The following PHF21A variants were observed in gnomAD, a reference collection of about 807,000 sequenced individuals.
PHF21A encodes the protein BHC80a.
A neutral mutation model predicts 82.5 loss-of-function variants in PHF21A; 11 were observed. That is an observed-to-expected ratio of 0.13 (90% CI 0.08 to 0.22). PHF21A has a LOEUF of 0.22. PHF21A is among the 10% of genes least tolerant of loss of function. The pLI is 1.00. For missense variants in PHF21A, 579 were observed against 837.8 expected, an observed-to-expected ratio of 0.69 and a Z score of 3.81; for synonymous variants, 297 against 302.8, an observed-to-expected ratio of 0.98 and a Z score of 0.20.
chr11:46,102,800 A>G (rs1221363345), intron 1 of PHF21A, among the ~76,000 whole-genome samples: 1 of 152,254 alleles, frequency 6.6e-6, no homozygotes, highest in African/African-American at 2.4e-5. Context: ...GAGGGCCCAA[A>G]GTAGGGGGTA....
At chr11:45,991,808 T>G (rs959631432) in intron 6 of PHF21A, among the ~76,000 whole-genome samples, 2 of 152,244 alleles carry the variant, frequency 1.3e-5, no homozygotes, top group African/African-American at 4.8e-5. Context: ...ACATTCCTGA[T>G]GTATATCTTT....
intron 6 of PHF21A, among the ~76,000 whole-genome samples, chr11:46,074,122 A>C (rs537841338): frequency 3.5e-5 from 5 of 143,922 alleles, no homozygotes; most frequent in African/African-American, 1.3e-4. Flanking sequence ...TGTCAGATGC[A>C]AAAAAAAAAA....
intron 6 of PHF21A, among the ~76,000 whole-genome samples, chr11:46,020,269 T>C (rs1300670904): frequency 6.6e-6 from 1 of 152,198 alleles, no homozygotes; most frequent in Admixed American, 6.5e-5. Context: ...TTCACACATC[T>C]GCAGAGTAAG....
chr11:45,975,382 C>T (rs368244343), intron 7 of PHF21A, among the ~76,000 whole-genome samples: 8 of 132,152 alleles, frequency 6.1e-5, no homozygotes, highest in African/African-American at 2.3e-4. Flanking sequence ...TAAAATAAAA[C>T]AAAACAAAAT....
intron 6 of PHF21A, among the ~76,000 whole-genome samples, chr11:46,030,979 G>C (rs1383360791): frequency 6.6e-6 from 1 of 151,976 alleles, no homozygotes. Context: ...ATAAATAAAT[G>C]TCCTAAAATG....
intron 5 of PHF21A, among the ~76,000 whole-genome samples, chr11:46,077,677 T>C (rs1366894258): frequency 1.3e-5 from 2 of 152,206 alleles, no homozygotes; most frequent in Non-Finnish European, 2.9e-5. Context: ...TTAGTGTATT[T>C]GACATAAGGC....
intron 1 of PHF21A, among the ~76,000 whole-genome samples, chr11:46,099,697 T>C (rs1345111247): frequency 6.6e-6 from 1 of 152,222 alleles, no homozygotes; most frequent in African/African-American, 2.4e-5. Context: ...AGCCAAGCTT[T>C]ATTCCAAATC....
intron 6 of PHF21A, among the ~76,000 whole-genome samples, chr11:46,060,591 CAT>C (rs1181492443): frequency 6.6e-6 from 1 of 152,146 alleles, no homozygotes; most frequent in Non-Finnish European, 1.5e-5. Context: ...AGCTTTTTTG[CAT>C]ATGATTGTTG....
intron 6 of PHF21A, among the ~76,000 whole-genome samples, chr11:46,035,503 G>A (rs1366901992): frequency 6.6e-6 from 1 of 152,136 alleles, no homozygotes; most frequent in Non-Finnish European, 1.5e-5. Flanking sequence ...TGAATAGGCA[G>A]GTGGAGTCCT....
intron 8 of PHF21A, 127 bp from the exon 9 acceptor site, chr11:45,970,031 C>T: frequency 1.4e-6 from 1 of 735,550 alleles, no homozygotes; most frequent in Non-Finnish European, 2.4e-6. Flanking sequence ...GTAAGTTAAT[C>T]ATCTGAATTA....
chr11:46,049,936 A>G (rs1468857206), intron 6 of PHF21A, among the ~76,000 whole-genome samples: 1 of 152,260 alleles, frequency 6.6e-6, no homozygotes, highest in African/African-American at 2.4e-5. Context: ...TTAATTTTGT[A>G]TATTTGTCAG....
intron 6 of PHF21A, among the ~76,000 whole-genome samples, chr11:45,998,624 T>C (rs933422928): frequency 6.6e-6 from 1 of 151,948 alleles, no homozygotes; most frequent in Non-Finnish European, 1.5e-5. Context: ...GTGATTCTCC[T>C]GCCTCAGCCT....
chr11:45,950,344 G>T, intron 11 of PHF21A, 87 bp from the exon 12 acceptor site: 1 of 1,148,150 alleles, frequency 8.7e-7, no homozygotes, highest in Non-Finnish European at 1.3e-6. Context: ...ATTAGGGAAA[G>T]CCAGCCCAAT....
At chr11:46,107,551 G>A (rs2130476) in intron 1 of PHF21A, among the ~76,000 whole-genome samples, 23,057 of 152,118 alleles carry the variant, frequency 0.15, 3,723 homozygotes, top group East Asian at 0.58. Context: ...AGAATTTTAC[G>A]GCAAGGCTTT....
intron 6 of PHF21A, among the ~76,000 whole-genome samples, chr11:46,072,426 T>C (rs555419669): frequency 2.3e-4 from 35 of 152,180 alleles, no homozygotes; most frequent in Non-Finnish European, 4.3e-4. Flanking sequence ...TGGACTATGA[T>C]GTGAAAGCTG....
intron 6 of PHF21A, among the ~76,000 whole-genome samples, chr11:46,046,908 AGT>A (rs928002179): frequency 2.0e-5 from 3 of 152,200 alleles, no homozygotes; most frequent in African/African-American, 7.2e-5. Context: ...TTGAGTCAAA[AGT>A]GTATATTCAG....
At chr11:45,987,475 T>C (rs1474956950) in intron 6 of PHF21A, among the ~76,000 whole-genome samples, 1 of 150,646 alleles carries the variant, frequency 6.6e-6, no homozygotes, top group African/African-American at 2.4e-5. Flanking sequence ...GCCTGGCAAA[T>C]ATGGTGAAAC....
intron 10 of PHF21A, among the ~76,000 whole-genome samples, chr11:45,961,753 C>A (rs1181731256): frequency 1.3e-5 from 2 of 152,166 alleles, no homozygotes; most frequent in African/African-American, 2.4e-5. Context: ...TTCATTTCAT[C>A]ACCAACAGGT....
chr11:46,107,721 T>C (rs915103210), intron 1 of PHF21A, among the ~76,000 whole-genome samples: 1 of 152,228 alleles, frequency 6.6e-6, no homozygotes, highest in African/African-American at 2.4e-5. Flanking sequence ...TTATCACTAA[T>C]AATCTCAGCA....
Sources: gnomAD v4.1 joint callset for allele counts (sites outside exome capture counted in the v4.1 genomes callset) on GRCh38, gnomAD v4.1.1 for gene constraint, MANE v1.5 for transcripts, NCBI Gene and HGNC (gene_info 2026-07-23, HGNC 2026-07-21) for gene names.